The following VWC2 variants were observed in gnomAD, a reference collection of about 807,000 sequenced individuals.
VWC2 encodes von Willebrand factor C domain containing 2, also known as brorin.
Under a neutral mutation model 29.8 loss-of-function variants are expected in VWC2, and 14 were observed. That is an observed-to-expected ratio of 0.47 (90% confidence interval 0.31 to 0.74). The LOEUF (loss-of-function observed/expected upper bound fraction) is 0.74, where lower values mean the gene tolerates loss of function less well. VWC2 is among the 30% of genes least tolerant of loss of function. The pLI is 0.05. For missense variants in VWC2, 457 were observed against 459.8 expected, an observed-to-expected ratio of 0.99 and a Z score of 0.05; for synonymous variants, 213 against 199.0, an observed-to-expected ratio of 1.07 and a Z score of -0.59.
intron 3 of VWC2, among the ~76,000 whole-genome samples, chr7:49,838,137 T>G (rs775081096): frequency 6.6e-6 from 1 of 152,228 alleles, no homozygotes; most frequent in Non-Finnish European, 1.5e-5. Flanking sequence ...TCCTGAAGGC[T>G]GTCTTCCCTA....
At chr7:49,845,984 G>A (rs1277420499) in intron 3 of VWC2, among the ~76,000 whole-genome samples, 1 of 152,154 alleles carries the variant, frequency 6.6e-6, no homozygotes, top group Non-Finnish European at 1.5e-5. Flanking sequence ...TGCTTCCTTG[G>A]TACAGTCATG....
At chr7:49,835,856 A>G (rs563890780) in intron 3 of VWC2, among the ~76,000 whole-genome samples, 103 of 152,340 alleles carry the variant, frequency 6.8e-4, no homozygotes, top group Admixed American at 1.3e-3. Context: ...TCTTCTTTAT[A>G]TATTTTTCGA....
intron 3 of VWC2, among the ~76,000 whole-genome samples, chr7:49,803,200 T>A (rs1788785767): frequency 6.6e-6 from 1 of 152,232 alleles, no homozygotes; most frequent in South Asian, 2.1e-4. Flanking sequence ...TTTTCATTAC[T>A]AAGTGAATGA....
intron 3 of VWC2, among the ~76,000 whole-genome samples, chr7:49,859,237 A>G (rs1790550772): frequency 6.6e-6 from 1 of 152,154 alleles, no homozygotes; most frequent in Non-Finnish European, 1.5e-5. Flanking sequence ...ATCTTGAGTT[A>G]CCATTTGGGG....
intron 3 of VWC2, among the ~76,000 whole-genome samples, chr7:49,902,114 A>G (rs1792782191): frequency 1.3e-5 from 2 of 152,032 alleles, no homozygotes; most frequent in Admixed American, 6.5e-5. Flanking sequence ...AAGTCTAGAT[A>G]GCTTTGGGTT....
rs964686563 is a variant in VWC2 at position 49,918,459 on chromosome 7, C to G, written c.*6274C>G. The stretch of plus-strand genomic sequence containing the variant: ...CTTGTCAAAGTAAATAGTAGCTCGT[C>G]ACAAAAATGTTGTAGCCTCCCTAGT... On this transcript the variant is annotated 3_prime_UTR_variant, in exon 4 of 4. Coordinates refer to ENST00000340652, the MANE Select transcript of VWC2 (RefSeq NM_198570.5). The G allele has an allele frequency of 3.3e-5, 5 of 152,310 alleles. No individual in the cohort carries two copies. The East Asian group carries it at 7.7e-4, about 23-fold the overall frequency. 9.4% of individuals were successfully genotyped at this position (152,310 alleles called of 1,614,324 possible). A position where few individuals can be genotyped will look rare whatever the true frequency, so the allele number is the denominator to read the frequency against.
intron 3 of VWC2, among the ~76,000 whole-genome samples, chr7:49,806,719 GGT>G (rs377443879): frequency 2.7e-4 from 40 of 150,936 alleles, no homozygotes; most frequent in Admixed American, 2.0e-3. Flanking sequence ...AAAACGGAAT[GGT>G]GTGTGTGTGT....
rs532502134 is a variant in VWC2, at chr7:49,850,346, T to C, written c.826+47506T>C. On this transcript the variant is annotated intron_variant, in intron 3 of 3. Coordinates refer to ENST00000340652, the MANE Select transcript of VWC2 (RefSeq NM_198570.5). ...CACACCTGCCATCTGCCAGTTCCAT[T>C]GGTGAGTCCAAGATGAACAAAACTG... 3 of 152,340 alleles carry C rather than the reference T, an allele frequency of 2.0e-5. No individual in the cohort carries two copies. The South Asian group carries it at 6.2e-4, about 32-fold the overall frequency. The allele number at this position is 152,340 out of a possible 1,614,324, so 9.4% of individuals were successfully genotyped here.
At chr7:49,803,669 G>A (rs1788801232) in intron 3 of VWC2, among the ~76,000 whole-genome samples, 1 of 152,162 alleles carries the variant, frequency 6.6e-6, no homozygotes, top group Admixed American at 6.5e-5. Flanking sequence ...TTGTGATGCT[G>A]TCGGCCGTTC....
rs1028359156 is a variant in VWC2 at position 49,774,326 on chromosome 7, G to A, written c.-104+213G>A. Among the ~76,000 whole-genome samples, 117 of 152,204 alleles carry A rather than the reference G, an allele frequency of 7.7e-4. 1 individual carries two copies. Among genetic ancestry groups the A allele is most frequent in the African/African-American group, 2.7e-3 (114 of 41,460 alleles). On this transcript the variant is annotated intron_variant, in intron 1 of 3. Coordinates refer to ENST00000340652, the MANE Select transcript of VWC2 (RefSeq NM_198570.5). ...GGGCCGGGCACGTCCGGAGCCCTCA[G>A]GGAGGAGGGCTGAGGGGGAGGGGAC...
At position 49,913,821 on chromosome 7, in the gene VWC2, G is replaced by A. The variant is rs1349931502; in HGVS notation, c.*1636G>A. 1 of 151,974 alleles carries A rather than the reference G, an allele frequency of 6.6e-6. No individual in the cohort carries two copies. The highest frequency in any genetic ancestry group is 1.5e-5 in the Non-Finnish European group (1 of 67,990). 9.4% of individuals were successfully genotyped at this position (151,974 alleles called of 1,614,324 possible). The stretch of plus-strand genomic sequence containing the variant: ...AGACTGAATAACATTCAAGAAAAAT[G>A]GATACATCTATCATAATTGAAAAAT... On this transcript the variant is annotated 3_prime_UTR_variant, in exon 4 of 4. Transcript: ENST00000340652.
Position 49,775,658 on chromosome 7 carries a change from G to T in VWC2, c.223G>T (p.Asp75Tyr). The T allele has an allele frequency of 6.5e-7, 1 of 1,527,770 alleles. No homozygotes were observed. Among genetic ancestry groups the T allele is most frequent in the Non-Finnish European group, 8.8e-7 (1 of 1,140,544 alleles). The allele number at this position is 1,527,770 out of a possible 1,614,324, so 94.6% of individuals were successfully genotyped here. The change falls in exon 2 of 4, where the codon GAC (aspartate) becomes TAC (tyrosine). Residue 75 changes from aspartate to tyrosine, a missense_variant. Physicochemically the swap from Asp to Tyr is radical, Grantham distance 160 (BLOSUM62 -3). Around this residue, in one of 2 missense-constraint regions of VWC2, gnomAD observed 272 missense variants for 202.7 expected, o/e 1.34. Coordinates refer to ENST00000340652, the MANE Select transcript of VWC2 (RefSeq NM_198570.5). Reference sequence around the variant, plus strand: ...GAGGGACGAGGGCGGCAGCGGCCGGGACTGGAAGAGCAAGAGCGGCCGTGG... The same window carrying T: ...GAGGGACGAGGGCGGCAGCGGCCGGTACTGGAAGAGCAAGAGCGGCCGTGG... ...PARDEGGSGR[D>Y]WKSKSGRGLA...
intron 2 of VWC2, among the ~76,000 whole-genome samples, chr7:49,794,402 G>A (rs530848298): frequency 7.2e-5 from 11 of 152,258 alleles, no homozygotes; most frequent in South Asian, 4.1e-4. Flanking sequence ...ACATTGAGAC[G>A]TAGCAATATT....
chr7:49,831,443 C>G (rs1789523226), intron 3 of VWC2, among the ~76,000 whole-genome samples: 1 of 152,080 alleles, frequency 6.6e-6, no homozygotes, highest in Non-Finnish European at 1.5e-5. Context: ...GTAGGGACTT[C>G]AGGGGAGAAA....
intron 3 of VWC2, among the ~76,000 whole-genome samples, chr7:49,828,120 C>A (rs1327185865): frequency 6.6e-6 from 1 of 152,170 alleles, no homozygotes; most frequent in Non-Finnish European, 1.5e-5. Context: ...TAGAATCTTA[C>A]ATGAGATGTT....
At chr7:49,779,455 C>T (rs1190083888) in intron 2 of VWC2, among the ~76,000 whole-genome samples, 1 of 152,156 alleles carries the variant, frequency 6.6e-6, no homozygotes. Flanking sequence ...TTAATTTGTA[C>T]ATCCAAATAA....
At chr7:49,855,049 G>A (rs909116658) in intron 3 of VWC2, among the ~76,000 whole-genome samples, 4 of 152,108 alleles carry the variant, frequency 2.6e-5, no homozygotes, top group Non-Finnish European at 2.9e-5. Context: ...AGGAGTTCTC[G>A]GCTTCTATAT....
At chr7:49,848,306 G>A (rs1013871343) in intron 3 of VWC2, among the ~76,000 whole-genome samples, 12 of 152,208 alleles carry the variant, frequency 7.9e-5, no homozygotes, top group Non-Finnish European at 1.2e-4. Flanking sequence ...CCACGGCAGG[G>A]TCTTTCCAGG....
chr7:49,912,313 T>G lies in VWC2; in HGVS notation c.*128T>G. 1 of 978,474 alleles carries G rather than the reference T, an allele frequency of 1.0e-6. No individual in the cohort carries two copies. Among genetic ancestry groups the G allele is most frequent in the Non-Finnish European group, 1.5e-6 (1 of 689,346 alleles). 60.6% of individuals were successfully genotyped at this position (978,474 alleles called of 1,614,324 possible). A position where few individuals can be genotyped will look rare whatever the true frequency, so the allele number is the denominator to read the frequency against. Reference sequence around the variant, plus strand: ...GGAATAATGGAAAATTGTTGGTACTTTTCCTTTTCTTGATAACAGTTACTA... The same window carrying G: ...GGAATAATGGAAAATTGTTGGTACTGTTCCTTTTCTTGATAACAGTTACTA... On this transcript the variant is annotated 3_prime_UTR_variant, in exon 4 of 4. Coordinates refer to ENST00000340652, the MANE Select transcript of VWC2 (RefSeq NM_198570.5).
Sources: allele counts gnomAD v4.1 joint callset (sites outside exome capture counted in the v4.1 genomes callset), GRCh38; gene constraint gnomAD v4.1.1; regional missense constraint gnomAD v4.1.1; transcripts MANE v1.5; gene names NCBI Gene and HGNC (gene_info 2026-07-23, HGNC 2026-07-21).